The following NEXMIF variants were observed in gnomAD, a reference collection of about 807,000 sequenced individuals.
NEXMIF encodes neurite extension and migration factor.
A neutral mutation model predicts 62.1 loss-of-function variants in NEXMIF; 8 were observed. The observed-to-expected ratio is 0.13, with a 90% CI of 0.08 to 0.23. The LOEUF (loss-of-function observed/expected upper bound fraction) is 0.23, where lower values mean the gene tolerates loss of function less well. NEXMIF is among the 10% of genes least tolerant of loss of function. NEXMIF has a pLI of 1.00. For missense variants in NEXMIF, 976 were observed against 1,113.3 expected, an observed-to-expected ratio of 0.88 and a Z score of 1.75; for synonymous variants, 404 against 416.6, an observed-to-expected ratio of 0.97 and a Z score of 0.37.
At chrX:74,811,465 C>T (rs776320217) in intron 1 of NEXMIF, among the ~76,000 whole-genome samples, 1 of 112,435 alleles carries the variant, frequency 8.9e-6, no homozygotes, top group Non-Finnish European at 1.9e-5. Flanking sequence ...ATGGTATTCT[C>T]TTATGTCTAA....
rs138639216 is a variant in NEXMIF, at chrX:74,917,188, G to T, written c.-48+7695C>A. Among the ~76,000 whole-genome samples the T allele has an allele frequency of 5.0e-3, 554 of 111,823 alleles. 3 individuals are homozygous for T. Among genetic ancestry groups the T allele is most frequent in the Non-Finnish European group, 8.0e-3 (423 of 53,152 alleles). ...GGAGGTAGTTGGGTCATGGGGGGCA[G>T]ATTTCCCCCTTGCTGTTCTCATGAT... On this transcript the variant is annotated intron_variant, in intron 1 of 3. Coordinates refer to ENST00000055682, the MANE Select transcript of NEXMIF (RefSeq NM_001008537.3).
intron 1 of NEXMIF, among the ~76,000 whole-genome samples, chrX:74,830,075 T>C (rs914118140): frequency 1.8e-5 from 2 of 112,075 alleles, no homozygotes; most frequent in Non-Finnish European, 3.8e-5. Flanking sequence ...TTGTCCACTT[T>C]TGCTTTGGTT....
At chrX:74,906,414 A>G (rs960693821) in intron 1 of NEXMIF, among the ~76,000 whole-genome samples, 2 of 111,430 alleles carry the variant, frequency 1.8e-5, no homozygotes, top group Admixed American at 1.9e-4. Context: ...ACCATAAGCC[A>G]GGAATTTAAC....
chrX:74,765,863 T>A (rs2080193110), intron 1 of NEXMIF, among the ~76,000 whole-genome samples: 1 of 83,226 alleles, frequency 1.2e-5, no homozygotes. Context: ...GCATCTCTAC[T>A]GAAAATACAA....
At chrX:74,817,153 T>C (rs1046787329) in intron 1 of NEXMIF, among the ~76,000 whole-genome samples, 1 of 111,975 alleles carries the variant, frequency 8.9e-6, no homozygotes, top group African/African-American at 3.2e-5. Context: ...CTATGTGAAA[T>C]GAATAATTAG....
At chrX:74,852,488 A>G (rs954132470) in intron 1 of NEXMIF, among the ~76,000 whole-genome samples, 5 of 112,193 alleles carry the variant, frequency 4.5e-5, no homozygotes, top group African/African-American at 1.6e-4. Context: ...CATTTACAGA[A>G]CATTTCATCC....
chrX:74,924,611 C>T (rs1401299896), intron 1 of NEXMIF, among the ~76,000 whole-genome samples: 4 of 113,562 alleles, frequency 3.5e-5, no homozygotes, highest in African/African-American at 1.3e-4. Context: ...GCTTCCCCTC[C>T]CCCCGCAACC....
At position 74,739,411 on chromosome X, in the gene NEXMIF, G is replaced by A. The variant is rs1436677639; in HGVS notation, c.4545C>T (p.Asp1515=). 8.4e-7 allele frequency: 1 copy of A among 1,189,014 alleles called. No individual in the cohort carries two copies. The highest frequency in any genetic ancestry group is 1.8e-5 in the African/African-American group (1 of 56,017). ...AAGAAATAAAACACAAACATCAAAT[G>A]TCTTTCTGGAAAATGCGAGTCTCTT... ...FEEETRIFQK[D]I is the part of the protein sequence containing the mutation. The change falls in exon 4 of 4, where the codon GAC becomes GAT. Residue 1515 remains aspartate, a synonymous_variant. Coordinates refer to ENST00000055682, the MANE Select transcript of NEXMIF (RefSeq NM_001008537.3).
chrX:74,793,252 T>C (rs2080292244), intron 1 of NEXMIF, among the ~76,000 whole-genome samples: 2 of 110,426 alleles, frequency 1.8e-5, no homozygotes, highest in Non-Finnish European at 3.8e-5. Flanking sequence ...TTTGGCTGGA[T>C]ATGAAATTCT....
intron 1 of NEXMIF, among the ~76,000 whole-genome samples, chrX:74,817,293 C>T (rs1351501661): frequency 9.0e-6 from 1 of 111,721 alleles, no homozygotes; most frequent in Non-Finnish European, 1.9e-5. Context: ...ATGCCATGGC[C>T]TAAGTCTTAA....
chrX:74,891,097 T>A (rs2080716305), intron 1 of NEXMIF, among the ~76,000 whole-genome samples: 1 of 111,525 alleles, frequency 9.0e-6, no homozygotes, highest in African/African-American at 3.3e-5. Context: ...AATTTCAGAA[T>A]CTTTTCATTA....
chrX:74,865,931 C>T (rs913088331), intron 1 of NEXMIF, among the ~76,000 whole-genome samples: 1 of 111,447 alleles, frequency 9.0e-6, no homozygotes, highest in African/African-American at 3.3e-5. Context: ...GTGGGGCCCT[C>T]ATGGAGAACC....
intron 1 of NEXMIF, among the ~76,000 whole-genome samples, chrX:74,805,987 T>C (rs1351457088): frequency 9.0e-6 from 1 of 111,659 alleles, no homozygotes; most frequent in Non-Finnish European, 1.9e-5. Context: ...ATTTTTTTTT[T>C]GCCCATTTTT....
intron 1 of NEXMIF, among the ~76,000 whole-genome samples, chrX:74,863,430 T>C (rs1273213361): frequency 9.0e-6 from 1 of 111,199 alleles, no homozygotes. Flanking sequence ...ACAAAAATGA[T>C]AAAGATATCA....
intron 1 of NEXMIF, among the ~76,000 whole-genome samples, chrX:74,847,308 T>G (rs1440234370): frequency 1.8e-5 from 2 of 112,066 alleles, no homozygotes; most frequent in Non-Finnish European, 3.8e-5. Context: ...TCACGAGTCA[T>G]AGAAGTGGAT....
chrX:74,766,201 G>A (rs1180516169), intron 1 of NEXMIF, among the ~76,000 whole-genome samples: 1 of 111,319 alleles, frequency 9.0e-6, no homozygotes, highest in Non-Finnish European at 1.9e-5. Flanking sequence ...GAAGTCTGAT[G>A]AGTATGTTTC....
chrX:74,878,481 G>T (rs1454602663), intron 1 of NEXMIF, among the ~76,000 whole-genome samples: 1 of 112,745 alleles, frequency 8.9e-6, no homozygotes, highest in East Asian at 2.8e-4. Flanking sequence ...AGCCTACAGA[G>T]GCAGGCAGGC....
intron 1 of NEXMIF, among the ~76,000 whole-genome samples, chrX:74,804,292 C>T (rs1025018036): frequency 1.8e-5 from 2 of 112,264 alleles, no homozygotes; most frequent in Non-Finnish European, 3.8e-5. Flanking sequence ...AGGTGCAAGA[C>T]AAAGTCTGCA....
chrX:74,850,681 C>T (rs2080509852), intron 1 of NEXMIF, among the ~76,000 whole-genome samples: 1 of 110,880 alleles, frequency 9.0e-6, no homozygotes, highest in Non-Finnish European at 1.9e-5. Flanking sequence ...GCCAAGGTGC[C>T]CTACCCAGCC....
Sources: gnomAD v4.1 joint callset for allele counts (sites outside exome capture counted in the v4.1 genomes callset) on GRCh38, gnomAD v4.1.1 for gene constraint, MANE v1.5 for transcripts, NCBI Gene and HGNC (gene_info 2026-07-23, HGNC 2026-07-21) for gene names.